The following PCDHGB7 variants were observed in gnomAD, a reference collection of about 807,000 sequenced individuals.
The protein encoded by PCDHGB7 is protocadherin gamma-B7.
Under a neutral mutation model 61.4 loss-of-function variants are expected in PCDHGB7, and 37 were observed. The observed-to-expected ratio is 0.60, with a 90% CI of 0.46 to 0.79. The LOEUF is 0.79. PCDHGB7 is among the 30% of genes least tolerant of loss of function. PCDHGB7 has a pLI of 0.00. For synonymous variants in PCDHGB7, 464 were observed against 503.5 expected (o/e 0.92, Z 1.05); for missense variants, 1,166 against 1,202.5 (o/e 0.97, Z 0.45).
chr5:141,433,222 A>G, intron 1 of PCDHGB7: 6 of 1,519,556 alleles, frequency 3.9e-6, no homozygotes, highest in Non-Finnish European at 5.4e-6. Flanking sequence ...TTTTTTTTTA[A>G]TTGCTCTGTC....
Position 141,491,273 on chromosome 5 carries a change from G to A in PCDHGB7, c.2416-3534G>A. ...GACCCTGAGGAAATGCCCAAATCCA[G>A]TGACTTCCTCATACACCCTCCTGAG... On this transcript the variant is annotated intron_variant, in intron 1 of 3. Coordinates refer to ENST00000398594, the MANE Select transcript of PCDHGB7 (RefSeq NM_018927.4). This position sits in a 1 kb window ranked among gnomAD's most constrained non-coding sequence, Gnocchi z 6.9. The A allele has an allele frequency of 6.2e-7, 1 of 1,614,182 alleles. No individual in the cohort carries two copies. Among genetic ancestry groups the A allele is most frequent in the South Asian group, 1.1e-5 (1 of 91,082 alleles).
intron 1 of PCDHGB7, among the ~76,000 whole-genome samples, chr5:141,449,391 G>A (rs1020753910): frequency 1.3e-5 from 2 of 151,876 alleles, no homozygotes; most frequent in Non-Finnish European, 2.9e-5. Context: ...TGGATTACTT[G>A]AGGCCAGGAG....
chr5:141,418,131 A>C lies in PCDHGB7; in HGVS notation c.272A>C (p.Asp91Ala), dbSNP rs1421799777. The change falls in exon 1 of 4, where the codon GAC (aspartate) becomes GCC (alanine). Residue 91 changes from aspartate (D) to alanine (A), a missense_variant. Transcript: ENST00000398594. ...GACTTACTTGTGAAGGACCGAATAG[A>C]CCGTGAGCAAATATGCAAAGAGAGA... ...SGDLLVKDRI[D>A]REQICKERRR... 1 of 1,614,044 alleles carries C rather than the reference A, an allele frequency of 6.2e-7. No homozygotes were observed. Among genetic ancestry groups the C allele is most frequent in the East Asian group, 2.2e-5 (1 of 44,884 alleles).
At chr5:141,436,793 C>T (rs752376420) in intron 1 of PCDHGB7, among the ~76,000 whole-genome samples, 4 of 152,178 alleles carry the variant, frequency 2.6e-5, no homozygotes, top group Non-Finnish European at 5.9e-5. Flanking sequence ...TAAAACTGTT[C>T]TAAAATTTTT....
At chr5:141,460,991 A>G (rs889917939) in intron 1 of PCDHGB7, among the ~76,000 whole-genome samples, 39 of 141,522 alleles carry the variant, frequency 2.8e-4, no homozygotes, top group East Asian at 1.0e-3. Flanking sequence ...GTGTATATAT[A>G]TATATGTGTA....
chr5:141,421,400 G>A (rs2096569762), intron 1 of PCDHGB7: 1 of 1,614,060 alleles, frequency 6.2e-7, no homozygotes, highest in Non-Finnish European at 8.5e-7. Context: ...CTGGAGCCCC[G>A]GGAGCTGGCG....
chr5:141,482,144 G>A (rs564178008), intron 1 of PCDHGB7, among the ~76,000 whole-genome samples: 2 of 151,756 alleles, frequency 1.3e-5, no homozygotes, highest in African/African-American at 2.4e-5. Flanking sequence ...GGCATAAAAA[G>A]GTCAAGTCAA....
rs2099696598 is a variant in PCDHGB7, at chr5:141,490,144, A to C, written c.2416-4663A>C. The C allele has an allele frequency of 2.5e-6, 4 of 1,614,214 alleles. No homozygotes were observed. In the East Asian group the frequency reaches 6.7e-5, roughly 27 times the overall value. ...TGGCCTAGACCCTAGCAGTGGGGCA[A>C]TCCATGTGTTGGGTCCCATAGACTT... On this transcript the variant is annotated intron_variant, in intron 1 of 3. Transcript: ENST00000398594. The surrounding 1 kb of genome is among the most constrained non-coding windows in gnomAD (Gnocchi z 5.4).
At chr5:141,470,862 G>T (rs1363111218) in intron 1 of PCDHGB7, among the ~76,000 whole-genome samples, 1 of 151,596 alleles carries the variant, frequency 6.6e-6, no homozygotes, top group Non-Finnish European at 1.5e-5. Context: ...TAAGTTTTTT[G>T]TTTGTTTGTT....
chr5:141,452,830 T>A (rs2098749929), intron 1 of PCDHGB7, among the ~76,000 whole-genome samples: 1 of 152,166 alleles, frequency 6.6e-6, no homozygotes, highest in South Asian at 2.1e-4. Context: ...CAAAATCACT[T>A]GGTCCAGCCC....
chr5:141,483,099 C>T (rs10068400), intron 1 of PCDHGB7, among the ~76,000 whole-genome samples: 3,098 of 152,014 alleles, frequency 0.02, 87 homozygotes, highest in African/African-American at 0.065. Flanking sequence ...AAAAAGTGTG[C>T]GTGTAAAACA....
At chr5:141,471,942 A>G (rs1163887457) in intron 1 of PCDHGB7, among the ~76,000 whole-genome samples, 1 of 152,192 alleles carries the variant, frequency 6.6e-6, no homozygotes, top group Non-Finnish European at 1.5e-5. Flanking sequence ...AGAGTTTTCT[A>G]AAACTGGATT....
Position 141,431,996 on chromosome 5 carries a change from G to A in PCDHGB7, c.2415+11722G>A, listed in dbSNP as rs766891220. ...AGTCACAGACATAGTCTTGGATAGGGAACAGGTTCCTAGCTACAACATCAC... is the reference window on the plus strand; with the variant it reads ...AGTCACAGACATAGTCTTGGATAGGAAACAGGTTCCTAGCTACAACATCAC... On this transcript the variant is annotated intron_variant, in intron 1 of 3. Transcript: ENST00000398594. The surrounding 1 kb of genome is among the most constrained non-coding windows in gnomAD (Gnocchi z 4.8). 1.9e-6 allele frequency: 3 copies of A among 1,614,192 alleles called. No homozygotes were observed. In the East Asian group the frequency reaches 6.7e-5, roughly 36 times the overall value.
At chr5:141,484,061 G>A (rs570687480) in intron 1 of PCDHGB7, among the ~76,000 whole-genome samples, 8 of 152,124 alleles carry the variant, frequency 5.3e-5, no homozygotes, top group Non-Finnish European at 1.0e-4. Context: ...CTGGGGCTAA[G>A]TGAAAAGCTT....
rs757926227 is a variant in PCDHGB7, at chr5:141,432,889, G to A, written c.2415+12615G>A. 1.6e-5 allele frequency: 26 copies of A among 1,614,180 alleles called. No individual in the cohort carries two copies. In the East Asian group the frequency reaches 5.8e-4, roughly 36 times the overall value. On this transcript the variant is annotated intron_variant, in intron 1 of 3. Transcript: ENST00000398594. This position sits in a 1 kb window ranked among gnomAD's most constrained non-coding sequence, Gnocchi z 6.0. ...GCGTCTTCCTGGCCTTCGTCATCTT[G>A]CTGCTGGCGCTCAGGCTGCGGCGCT...
chr5:141,444,710 T>A (rs2098445001), intron 1 of PCDHGB7, among the ~76,000 whole-genome samples: 1 of 152,236 alleles, frequency 6.6e-6, no homozygotes, highest in Admixed American at 6.5e-5. Flanking sequence ...TTCTGTTGAA[T>A]TTGCTTGGTG....
chr5:141,490,549 C>T lies in PCDHGB7; in HGVS notation c.2416-4258C>T, dbSNP rs2099701539. ...TGCTGGTTCACCTTCCCTACACAAA[C>T]ATCTCACCATCAGGCTCAACATTTC... On this transcript the variant is annotated intron_variant, in intron 1 of 3. Transcript: ENST00000398594. The surrounding 1 kb of genome is among the most constrained non-coding windows in gnomAD (Gnocchi z 5.4). The T allele has an allele frequency of 1.9e-6, 3 of 1,614,178 alleles. No homozygotes were observed. The highest frequency in any genetic ancestry group is 1.7e-6 in the Non-Finnish European group (2 of 1,180,024).
At position 141,418,163 on chromosome 5, in the gene PCDHGB7, T is replaced by G; in HGVS notation, c.304T>G (p.Cys102Gly). The change falls in exon 1 of 4, where the codon TGT becomes GGT. Residue 102 changes from cysteine (C) to glycine (G), a missense_variant. Coordinates refer to ENST00000398594, the MANE Select transcript of PCDHGB7 (RefSeq NM_018927.4). ...GCAAATATGCAAAGAGAGAAGAAGA[T>G]GTGAGTTGCAATTGGAAGCTGTGGT... ...REQICKERRR[C>G]ELQLEAVVEN... 1 of 1,614,002 alleles carries G rather than the reference T, an allele frequency of 6.2e-7. No individual in the cohort carries two copies. Among genetic ancestry groups the G allele is most frequent in the Non-Finnish European group, 8.5e-7 (1 of 1,179,900 alleles).
intron 1 of PCDHGB7, among the ~76,000 whole-genome samples, chr5:141,458,869 A>G (rs2154566384): frequency 6.6e-6 from 1 of 152,264 alleles, no homozygotes; most frequent in East Asian, 1.9e-4. Context: ...AGTAGCTGGG[A>G]CTACAGGCAT....
Sources: allele counts gnomAD v4.1 joint callset (sites outside exome capture counted in the v4.1 genomes callset), GRCh38; gene constraint gnomAD v4.1.1; non-coding constraint Gnocchi (gnomAD v3.1); transcripts MANE v1.5; gene names NCBI Gene and HGNC (gene_info 2026-07-23, HGNC 2026-07-21).